GPD2: variants seen among roughly 807,000 people sequenced by gnomAD.
The protein encoded by GPD2 is glycerol-3-phosphate dehydrogenase, mitochondrial.
GPD2 carries 54 observed loss-of-function variants against 82.4 expected under a neutral mutation model. The ratio of observed to expected loss-of-function variants is 0.66; its 90% CI spans 0.53 to 0.82. GPD2 has a LOEUF of 0.82. Among genes scored for constraint, GPD2 ranks in the 40% least tolerant of loss-of-function variants. GPD2 has a pLI of 0.00. For missense variants in GPD2, 748 were observed against 896.2 expected (o/e 0.83, Z 2.11); for synonymous variants, 288 against 306.1 (o/e 0.94, Z 0.62).
intron 9 of GPD2, among the ~76,000 whole-genome samples, chr2:156,559,895 C>T (rs1401697026): frequency 1.3e-5 from 2 of 151,938 alleles, no homozygotes; most frequent in Non-Finnish European, 2.9e-5. Context: ...CTAGGAGGAG[C>T]TTCAACATTG....
upstream of GPD2, among the ~76,000 whole-genome samples, chr2:156,434,097 A>G (rs936997568): frequency 6.6e-6 from 1 of 152,136 alleles, no homozygotes; most frequent in Non-Finnish European, 1.5e-5. Context: ...TTGCCCAGTC[A>G]CAAGTTTTTA....
At chr2:156,573,935 C>T (rs1014636804) in intron 13 of GPD2, among the ~76,000 whole-genome samples, 7 of 152,150 alleles carry the variant, frequency 4.6e-5, no homozygotes, top group Non-Finnish European at 8.8e-5. Flanking sequence ...CTTGTTTTTA[C>T]CAGTCAATAC....
chr2:156,441,329 A>C (rs1413800127), intron 1 of GPD2, among the ~76,000 whole-genome samples: 2 of 152,186 alleles, frequency 1.3e-5, no homozygotes, highest in Non-Finnish European at 2.9e-5. Flanking sequence ...AGACAGGAGG[A>C]TAACTTGAGC....
chr2:156,520,303 G>A (rs1224295196), intron 6 of GPD2, among the ~76,000 whole-genome samples: 2 of 151,776 alleles, frequency 1.3e-5, no homozygotes, highest in African/African-American at 2.4e-5. Flanking sequence ...TGTGGATGGG[G>A]CCATTGCCGG....
chr2:156,423,026 T>A, the GPD2 span, among the ~76,000 whole-genome samples: 1 of 152,234 alleles, frequency 6.6e-6, no homozygotes, highest in South Asian at 2.1e-4. Flanking sequence ...TTCTAAGAAC[T>A]GTACTTTTAT....
chr2:156,515,208 A>C (rs1432049696), intron 6 of GPD2, among the ~76,000 whole-genome samples: 4 of 152,040 alleles, frequency 2.6e-5, no homozygotes, highest in Non-Finnish European at 5.9e-5. Context: ...ACCCCAGTTC[A>C]AGACCAACAT....
intron 11 of GPD2, 76 bp downstream of exon 11, chr2:156,569,614 C>G: frequency 3.1e-6 from 3 of 983,060 alleles, no homozygotes; most frequent in Non-Finnish European, 4.8e-6. Context: ...TGGCAGCAAT[C>G]AGGTCTCCCT....
chr2:156,421,322 A>G, the GPD2 span, among the ~76,000 whole-genome samples: 1 of 152,204 alleles, frequency 6.6e-6, no homozygotes, highest in Non-Finnish European at 1.5e-5. Flanking sequence ...ATAAGTTTTT[A>G]TATAATCATT....
At chr2:156,455,846 A>G (rs529380819) in intron 1 of GPD2, among the ~76,000 whole-genome samples, 2 of 152,350 alleles carry the variant, frequency 1.3e-5, no homozygotes, top group East Asian at 3.9e-4. Context: ...CCATGGTCTA[A>G]TACAGTAGGT....
intron 1 of GPD2, among the ~76,000 whole-genome samples, chr2:156,443,786 T>G (rs1000830878): frequency 3.5e-4 from 54 of 152,168 alleles, no homozygotes; most frequent in African/African-American, 1.2e-3. Context: ...CAGGGCTTCC[T>G]TCTCTTCACC....
In GPD2 at chr2:156,496,164, A is replaced by T. The variant is rs145747966; in HGVS notation, c.223A>T (p.Ile75Phe). Residue 75 changes from isoleucine (I) to phenylalanine (F), a missense_variant, in exon 3 of 17, where the codon ATT becomes TTT. Ile to Phe is a conservative substitution (Grantham distance 21, BLOSUM62 0). Transcript: ENST00000438166. ...QNTSEFDILV[I>F]GGGATGSGCA... ...CACATCTGAATTTGATATCCTTGTT[A>T]TTGGAGGAGGAGCAACAGGAAGTGG... 1.1e-5 allele frequency: 17 copies of T among 1,612,736 alleles called. No homozygotes were observed. The highest frequency in any genetic ancestry group is 1.4e-5 in the Non-Finnish European group (16 of 1,178,930).
chr2:156,582,756 C>T (rs757119888), intron 16 of GPD2, 37 bp from the exon 17 acceptor site: 2 of 1,608,954 alleles, frequency 1.2e-6, no homozygotes, highest in African/African-American at 2.7e-5. Flanking sequence ...AGTAAGTTGG[C>T]CTGCGTTCTG....
At chr2:156,490,115 G>A (rs1023157430) in intron 2 of GPD2, among the ~76,000 whole-genome samples, 1 of 152,170 alleles carries the variant, frequency 6.6e-6, no homozygotes, top group East Asian at 1.9e-4. Flanking sequence ...AGGGAGGGCA[G>A]GTCTAGGAAG....
chr2:156,576,741 TC>T (rs1331784468), intron 13 of GPD2, among the ~76,000 whole-genome samples: 1 of 152,204 alleles, frequency 6.6e-6, no homozygotes, highest in African/African-American at 2.4e-5. Flanking sequence ...GCTTTGAAAT[TC>T]CATAATTCCT....
At chr2:156,574,041 T>C (rs1237837750) in intron 13 of GPD2, among the ~76,000 whole-genome samples, 1 of 152,202 alleles carries the variant, frequency 6.6e-6, no homozygotes, top group Non-Finnish European at 1.5e-5. Flanking sequence ...AATTGGGTTG[T>C]TATAACACAT....
chr2:156,494,362 C>A (rs959426777), intron 2 of GPD2, among the ~76,000 whole-genome samples: 17 of 152,170 alleles, frequency 1.1e-4, no homozygotes, highest in African/African-American at 3.9e-4. Flanking sequence ...GGAGAAATCA[C>A]AGGGATTTTT....
the GPD2 span, among the ~76,000 whole-genome samples, chr2:156,424,268 T>C: frequency 6.6e-6 from 1 of 152,212 alleles, no homozygotes; most frequent in Admixed American, 6.5e-5. Context: ...TTGTAAATGT[T>C]TTGCAAATAT....
At chr2:156,475,416 C>CCTCCTGGGTTCAGGCGATT (rs1683473976) in intron 1 of GPD2, among the ~76,000 whole-genome samples, 1 of 152,088 alleles carries the variant, frequency 6.6e-6, no homozygotes, top group Non-Finnish European at 1.5e-5. Context: ...GCAACCTCTG[C>CCTCCTGGGTTCAGGCGATT]CTCCTGGGTT....
the GPD2 span, among the ~76,000 whole-genome samples, chr2:156,423,551 T>C: frequency 6.6e-6 from 1 of 152,184 alleles, no homozygotes; most frequent in Admixed American, 6.5e-5. Flanking sequence ...CTGTTCCACA[T>C]CTATTTTCTG....
Sources: allele counts gnomAD v4.1 joint callset (sites outside exome capture counted in the v4.1 genomes callset), GRCh38; gene constraint gnomAD v4.1.1; transcripts MANE v1.5; gene names NCBI Gene and HGNC (gene_info 2026-07-23, HGNC 2026-07-21).